Variants in NPFFR1 observed in about 807,000 individuals in gnomAD.
NPFFR1 encodes neuropeptide FF receptor 1.
Under a neutral mutation model 12.7 loss-of-function variants are expected in NPFFR1, and 17 were observed. That is an observed-to-expected ratio of 1.34 (90% CI 0.92 to 2.01). The LOEUF is 2.01. NPFFR1 is among the 30% of genes most tolerant of loss of function. The probability of loss-of-function intolerance (pLI) is 0.00; values close to 1 mark genes in which losing one functional copy is unlikely to be tolerated. For synonymous variants in NPFFR1, 296 were observed against 264.5 expected (o/e 1.12, Z -1.16); for missense variants, 604 against 606.5 (o/e 1.00, Z 0.04).
intron 3 of NPFFR1, among the ~76,000 whole-genome samples, chr10:70,258,970 T>A (rs973019292): frequency 1.3e-5 from 2 of 152,192 alleles, no homozygotes; most frequent in East Asian, 3.9e-4. Context: ...TCAACCTATA[T>A]GACTTTGACC....
At chr10:70,269,965 C>T (rs756705453) in intron 1 of NPFFR1, among the ~76,000 whole-genome samples, 5 of 152,188 alleles carry the variant, frequency 3.3e-5, no homozygotes, top group Non-Finnish European at 5.9e-5. Flanking sequence ...GGCCTTTGCT[C>T]GTCCCTTCCT....
At position 70,250,053 on chromosome 10, in the gene NPFFR1, G is replaced by A. The variant is rs1840495210; in HGVS notation, c.*4904C>T. The A allele has an allele frequency of 6.6e-6, 1 of 151,882 alleles. No individual in the cohort carries two copies. Among genetic ancestry groups the A allele is most frequent in the Non-Finnish European group, 1.5e-5 (1 of 68,072 alleles). The allele number at this position is 151,882 out of a possible 1,614,324, so 9.4% of individuals were successfully genotyped here. A position where few individuals can be genotyped will look rare whatever the true frequency, so the allele number is the denominator to read the frequency against. ...AGCCTCCCAAGTAGCTGGGACTACAGGTGTGTGCCACCATGCCTGGCTAAT... is the reference window on the plus strand; with the variant it reads ...AGCCTCCCAAGTAGCTGGGACTACAAGTGTGTGCCACCATGCCTGGCTAAT... On this transcript the variant is annotated 3_prime_UTR_variant, in exon 4 of 4. Transcript: ENST00000277942.
rs901907748 is a variant in NPFFR1 at position 70,249,049 on chromosome 10, C to T, written c.*5908G>A. On this transcript the variant is annotated 3_prime_UTR_variant, in exon 4 of 4. Transcript: ENST00000277942. ...CCTAACCATCTGTTCAAATAGCCCT[C>T]CTACTTCTATCACACTATATCCTCT... The T allele has an allele frequency of 6.6e-6, 1 of 152,146 alleles. No homozygotes were observed. Among genetic ancestry groups the T allele is most frequent in the Admixed American group, 6.5e-5 (1 of 15,274 alleles). 9.4% of individuals were successfully genotyped at this position (152,146 alleles called of 1,614,324 possible).
rs1302970293 is a variant in NPFFR1, at chr10:70,255,073, C to T, written c.1177G>A (p.Ala393Thr). ...LPSESGPSSG[A>T]PRPGRLPLRN... ...AGCGGGAGGCGGCCGGGCCTGGGGG[C>T]CCCACTGCTAGGGCCCGACTCAGAG... is the stretch of plus-strand genomic sequence containing the variant. The change falls in exon 4 of 4, where the codon GCC becomes ACC. Residue 393 changes from alanine (A) to threonine (T), a missense_variant. By Grantham distance (58) the Ala-to-Thr change is moderately conservative (BLOSUM62 0). Coordinates refer to ENST00000277942, the MANE Select transcript of NPFFR1 (RefSeq NM_022146.5). The surrounding 1 kb of genome is among the most constrained non-coding windows in gnomAD (Gnocchi z 4.2). The T allele has an allele frequency of 4.2e-6, 6 of 1,444,052 alleles. No individual in the cohort carries two copies. Among genetic ancestry groups the T allele is most frequent in the Non-Finnish European group, 5.4e-6 (6 of 1,105,712 alleles). 89.5% of individuals were successfully genotyped at this position (1,444,052 alleles called of 1,614,324 possible).
intron 3 of NPFFR1, among the ~76,000 whole-genome samples, chr10:70,257,963 G>T (rs1840591764): frequency 6.6e-6 from 1 of 152,144 alleles, no homozygotes; most frequent in South Asian, 2.1e-4. Flanking sequence ...TCACAGGTTT[G>T]TTACTGACCT....
intron 3 of NPFFR1, among the ~76,000 whole-genome samples, chr10:70,256,296 A>C (rs1840572313): frequency 6.6e-6 from 1 of 152,152 alleles, no homozygotes; most frequent in Non-Finnish European, 1.5e-5. Context: ...TGCCCAGGCT[A>C]GTCTCAAAGT....
Position 70,257,907 on chromosome 10 carries a change from T to G in NPFFR1, c.423-2080A>C, listed in dbSNP as rs549133697. Reference sequence around the variant, plus strand: ...AAATCTGGCTTACGTGCACGTCCAGTCACAGTACCTTCCCTTGAACTTAAT... The same window carrying G: ...AAATCTGGCTTACGTGCACGTCCAGGCACAGTACCTTCCCTTGAACTTAAT... On this transcript the variant is annotated intron_variant, in intron 3 of 3. Coordinates refer to ENST00000277942, the MANE Select transcript of NPFFR1 (RefSeq NM_022146.5). 4.1e-4 allele frequency among the ~76,000 whole-genome samples: 62 copies of G among 152,326 alleles called. 1 individual carries two copies. Among genetic ancestry groups the G allele is most frequent in the East Asian group, 2.5e-3 (13 of 5,186 alleles).
intron 2 of NPFFR1, among the ~76,000 whole-genome samples, chr10:70,263,242 G>A (rs1288365517): frequency 3.9e-5 from 6 of 152,166 alleles, no homozygotes. Flanking sequence ...TTTAATGTAT[G>A]TTAAATTATA....
At chr10:70,262,363 CACGA>C (rs1466470723) in intron 2 of NPFFR1, among the ~76,000 whole-genome samples, 2 of 152,104 alleles carry the variant, frequency 1.3e-5, no homozygotes, top group Admixed American at 1.3e-4. Context: ...AGAAGGAACA[CACGA>C]ACTGGAGTAA....
At chr10:70,274,062 G>A (rs1022833456) in intron 1 of NPFFR1, among the ~76,000 whole-genome samples, 2 of 152,154 alleles carry the variant, frequency 1.3e-5, no homozygotes, top group Non-Finnish European at 2.9e-5. Flanking sequence ...CTTCCACGGA[G>A]ACTGTGCTAA....
In NPFFR1 at chr10:70,254,790, G is replaced by T; in HGVS notation, c.*167C>A. On this transcript the variant is annotated 3_prime_UTR_variant, in exon 4 of 4. Transcript: ENST00000277942. ...CGTCCCCCGCATTTGCCTCTACTGAGGGTGAAGGCAGCAGAGAAGACATCA... is the reference window on the plus strand; with the variant it reads ...CGTCCCCCGCATTTGCCTCTACTGATGGTGAAGGCAGCAGAGAAGACATCA... 1.3e-6 allele frequency: 1 copy of T among 781,680 alleles called. No individual in the cohort carries two copies. Among genetic ancestry groups the T allele is most frequent in the Non-Finnish European group, 1.8e-6 (1 of 563,238 alleles). 48.4% of individuals were successfully genotyped at this position (781,680 alleles called of 1,614,324 possible).
intron 1 of NPFFR1, among the ~76,000 whole-genome samples, chr10:70,272,161 GAGAA>G (rs1305549153): frequency 7.2e-6 from 1 of 137,976 alleles, no homozygotes; most frequent in Non-Finnish European, 1.6e-5. Context: ...GAGAGAGAGA[GAGAA>G]AGAAAGAAAG....
chr10:70,255,250 C>G lies in NPFFR1; in HGVS notation c.1000G>C (p.Glu334Gln), dbSNP rs1203396492. The G allele has an allele frequency of 6.4e-7, 1 of 1,564,310 alleles. No homozygotes were observed. Among genetic ancestry groups the G allele is most frequent in the Non-Finnish European group, 8.6e-7 (1 of 1,160,334 alleles). ...GCCTGGAAGCCGCGGCGGAAGTTCT[C>G]GTTGAAGTAGCCGTAGATGATGGGG... Reference protein sequence around the residue: ...ANPIIYGYFNENFRRGFQAAF... With the variant: ...ANPIIYGYFNQNFRRGFQAAF... Residue 334 changes from glutamate (E) to glutamine (Q), a missense_variant, in exon 4 of 4, where the codon GAG (glutamate) becomes CAG (glutamine). By Grantham distance (29) the Glu-to-Gln change is conservative. Coordinates refer to ENST00000277942, the MANE Select transcript of NPFFR1 (RefSeq NM_022146.5). The surrounding 1 kb of genome is among the most constrained non-coding windows in gnomAD (Gnocchi z 4.2).
intron 3 of NPFFR1, among the ~76,000 whole-genome samples, chr10:70,259,083 T>C (rs904101358): frequency 3.9e-5 from 6 of 152,050 alleles, no homozygotes; most frequent in African/African-American, 1.5e-4. Context: ...GGACAGGAGT[T>C]CGAGACCAGC....
Position 70,249,796 on chromosome 10 carries a change from T to TA in NPFFR1, c.*5160dup, listed in dbSNP as rs1203246786. 6.6e-6 allele frequency: 1 copy of TA among 151,678 alleles called. No homozygotes were observed. 9.4% of individuals were successfully genotyped at this position (151,678 alleles called of 1,614,324 possible). The stretch of plus-strand genomic sequence containing the variant: ...CCGCACCCAGCCAAAATCATGTTTT[T>TA]AAAAGAAAGATTTGAAGATACTTTA... On this transcript the variant is annotated 3_prime_UTR_variant, in exon 4 of 4. Coordinates refer to ENST00000277942, the MANE Select transcript of NPFFR1 (RefSeq NM_022146.5).
At chr10:70,268,975 G>C (rs1357480184) in intron 1 of NPFFR1, among the ~76,000 whole-genome samples, 1 of 152,186 alleles carries the variant, frequency 6.6e-6, no homozygotes, top group Admixed American at 6.5e-5. Flanking sequence ...ACGTGATGCT[G>C]AAGTCTCTTT....
At chr10:70,270,560 C>T (rs1373332453) in intron 1 of NPFFR1, among the ~76,000 whole-genome samples, 2 of 152,234 alleles carry the variant, frequency 1.3e-5, no homozygotes, top group African/African-American at 4.8e-5. Flanking sequence ...GGGAGTGACC[C>T]TGCCCATTGC....
rs768905718 is a variant in NPFFR1 at position 70,255,694 on chromosome 10, C to G, written c.556G>C (p.Glu186Gln). ...SAVTLTVTRE[E>Q]HHFMVDARNR... ...CGGGCGTCCACCATGAAGTGGTGCT[C>G]CTCACGGGTGACGGTCAGCGTGACG... The change falls in exon 4 of 4, where the codon GAG becomes CAG. Residue 186 changes from glutamate to glutamine, a missense_variant. Transcript: ENST00000277942. The surrounding 1 kb of genome is among the most constrained non-coding windows in gnomAD (Gnocchi z 4.2). 1.2e-6 allele frequency: 2 copies of G among 1,605,826 alleles called. No homozygotes were observed. The highest frequency in any genetic ancestry group is 1.7e-6 in the Non-Finnish European group (2 of 1,176,558).
At chr10:70,256,980 C>G (rs1840578923) in intron 3 of NPFFR1, among the ~76,000 whole-genome samples, 1 of 152,154 alleles carries the variant, frequency 6.6e-6, no homozygotes, top group Admixed American at 6.5e-5. Context: ...TTTTAAAGCT[C>G]CTGGGGTCAG....
Sources: gnomAD v4.1 joint callset for allele counts (sites outside exome capture counted in the v4.1 genomes callset) on GRCh38, gnomAD v4.1.1 for gene constraint, Gnocchi (gnomAD v3.1) non-coding constraint, MANE v1.5 for transcripts, NCBI Gene and HGNC (gene_info 2026-07-23, HGNC 2026-07-21) for gene names.